Variants in FEM1C observed in about 807,000 individuals in gnomAD.
The protein encoded by FEM1C is fem-1 homolog C, also known as protein fem-1 homolog C.
A neutral mutation model predicts 37.6 loss-of-function variants in FEM1C; 15 were observed. That is an observed-to-expected ratio of 0.40 (90% CI 0.27 to 0.61). The LOEUF (loss-of-function observed/expected upper bound fraction) is 0.61. Ranked by LOEUF, FEM1C falls within the 20% of genes least tolerant of loss-of-function variation. FEM1C has a pLI of 0.42. For synonymous variants in FEM1C, 287 were observed against 272.8 expected (o/e 1.05, Z -0.51); for missense variants, 532 against 749.7 (o/e 0.71, Z 3.39).
rs1753838382 is a variant in FEM1C, at chr5:115,524,342, T to G, written c.1820A>C (p.Glu607Ala). The G allele has an allele frequency of 1.2e-6, 2 of 1,613,260 alleles. No homozygotes were observed. Among genetic ancestry groups the G allele is most frequent in the African/African-American group, 1.3e-5 (1 of 74,882 alleles). The change falls in exon 3 of 3, where the codon GAA (glutamate) becomes GCA (alanine). Residue 607 changes from glutamate (E) to alanine (A), a missense_variant. By Grantham distance (107) the Glu-to-Ala change is moderately radical (BLOSUM62 -1). Coordinates refer to ENST00000274457, the MANE Select transcript of FEM1C (RefSeq NM_020177.3). Reference protein sequence around the residue: ...HRIYYKGHIPEKLETFVSLHR With the variant: ...HRIYYKGHIPAKLETFVSLHR Reference sequence around the variant, plus strand: ...AAGGGAAACAAAAGTCTCTAGCTTTTCTGGGATATGCCCTTTATAATATAT... The same window carrying G: ...AAGGGAAACAAAAGTCTCTAGCTTTGCTGGGATATGCCCTTTATAATATAT...
At position 115,524,838 on chromosome 5, in the gene FEM1C, G is replaced by T; in HGVS notation, c.1324C>A (p.Leu442Ile). The change falls in exon 3 of 3, where the codon CTT (leucine) becomes ATT (isoleucine). Residue 442 changes from leucine (L) to isoleucine (I), a missense_variant. By Grantham distance (5) the Leu-to-Ile change is conservative (BLOSUM62 2). Coordinates refer to ENST00000274457, the MANE Select transcript of FEM1C (RefSeq NM_020177.3). Reference protein sequence around the residue: ...PADPLQLNKALSIILHLICLL... With the variant: ...PADPLQLNKAISIILHLICLL... ...CAAATTAAGTGCAAAATAATAGAAA[G>T]GGCCTTATTTAACTGTAATGGGTCA... The T allele has an allele frequency of 6.2e-7, 1 of 1,610,824 alleles. No homozygotes were observed. The highest frequency in any genetic ancestry group is 8.5e-7 in the Non-Finnish European group (1 of 1,178,800).
At chr5:115,542,252 G>A (rs1401502019) in intron 2 of FEM1C, among the ~76,000 whole-genome samples, 3 of 152,104 alleles carry the variant, frequency 2.0e-5, no homozygotes, top group African/African-American at 7.2e-5. Flanking sequence ...CTGGACAAAG[G>A]TGTTTACACT....
At position 115,539,396 on chromosome 5, in the gene FEM1C, G is replaced by A. The variant is rs529661252; in HGVS notation, c.544+3554C>T. 6.6e-5 allele frequency among the ~76,000 whole-genome samples: 10 copies of A among 152,100 alleles called. 1 individual carries two copies. Among genetic ancestry groups the A allele is most frequent in the East Asian group, 3.9e-4 (2 of 5,186 alleles). Reference sequence around the variant, plus strand: ...CCAAAGATGACTATAACCATGAAGCGCTGAGATCACTGTGATAGCTCTGAG... The same window carrying A: ...CCAAAGATGACTATAACCATGAAGCACTGAGATCACTGTGATAGCTCTGAG... On this transcript the variant is annotated intron_variant, in intron 2 of 2. Transcript: ENST00000274457.
rs1561556190 is a variant in FEM1C, at chr5:115,525,383, CTT to C, written c.777_778del (p.Asp261SerfsTer18). 1 of 1,613,576 alleles carries C rather than the reference CTT, an allele frequency of 6.2e-7. No homozygotes were observed. The highest frequency in any genetic ancestry group is 8.5e-7 in the Non-Finnish European group (1 of 1,179,754). ...GTATTTCAAAGCCCCAAGCAGATCTCTTTTTTTGTCTACAAATGTAGCTCCCA... is the reference window on the plus strand; with the variant it reads ...GTATTTCAAAGCCCCAAGCAGATCTCTTTTTGTCTACAAATGTAGCTCCCA... On this transcript the variant is annotated frameshift_variant, in exon 3 of 3. Coordinates refer to ENST00000274457, the MANE Select transcript of FEM1C (RefSeq NM_020177.3). LOFTEE classifies it high-confidence loss of function.
rs188373737 is a variant in FEM1C at position 115,525,640 on chromosome 5, G to C, written c.545-23C>G. The C allele has an allele frequency of 2.3e-3, 3,647 of 1,577,328 alleles. 7 individuals carry two copies. Among genetic ancestry groups the C allele is most frequent in the Non-Finnish European group, 2.8e-3 (3,282 of 1,158,708 alleles). On this transcript the variant is annotated intron_variant, in intron 2 of 2. Coordinates refer to ENST00000274457, the MANE Select transcript of FEM1C (RefSeq NM_020177.3). ...TACCTTAAAGAGAGAGAGAAAAAAA[G>C]AAATAACATACATTGAGGGACCAAA... is the stretch of plus-strand genomic sequence containing the variant.
intron 2 of FEM1C, among the ~76,000 whole-genome samples, chr5:115,539,942 G>A (rs1466572042): frequency 6.6e-6 from 1 of 152,066 alleles, no homozygotes; most frequent in Non-Finnish European, 1.5e-5. Flanking sequence ...TAAAAGTAAT[G>A]GAATGTAGAA....
chr5:115,528,997 C>A (rs915446884), intron 2 of FEM1C, among the ~76,000 whole-genome samples: 18 of 151,918 alleles, frequency 1.2e-4, no homozygotes, highest in African/African-American at 4.1e-4. Context: ...TGAAAATATA[C>A]AGAAAGAAGC....
At chr5:115,544,097 G>C (rs1167212573) in intron 1 of FEM1C, 3 of 985,318 alleles carry the variant, frequency 3.0e-6, no homozygotes. Flanking sequence ...TGGAAGGCCT[G>C]AGGCCGGGTT....
At chr5:115,527,877 T>C (rs560016536) in intron 2 of FEM1C, among the ~76,000 whole-genome samples, 1 of 151,958 alleles carries the variant, frequency 6.6e-6, no homozygotes, top group African/African-American at 2.4e-5. Flanking sequence ...GGCACGCGCC[T>C]GTAGTCCCAG....
At position 115,533,371 on chromosome 5, in the gene FEM1C, T is replaced by G. The variant is rs2127172100; in HGVS notation, c.545-7754A>C. On this transcript the variant is annotated intron_variant, in intron 2 of 2. Coordinates refer to ENST00000274457, the MANE Select transcript of FEM1C (RefSeq NM_020177.3). ...CAGTTTGTTAAATTTACCGTAAATA[T>G]TTTGCTATGTCAGTTTTTTCAAGTG... 2.6e-5 allele frequency among the ~76,000 whole-genome samples: 4 copies of G among 152,158 alleles called. No homozygotes were observed. In the South Asian group the frequency reaches 8.3e-4, roughly 32 times the overall value.
intron 2 of FEM1C, among the ~76,000 whole-genome samples, chr5:115,539,404 C>T (rs1183225910): frequency 6.6e-6 from 1 of 152,164 alleles, no homozygotes; most frequent in East Asian, 1.9e-4. Context: ...GCGCTGAGAT[C>T]ACTGTGATAG....
At chr5:115,537,321 T>A (rs1754149232) in intron 2 of FEM1C, among the ~76,000 whole-genome samples, 1 of 152,038 alleles carries the variant, frequency 6.6e-6, no homozygotes, top group South Asian at 2.1e-4. Context: ...AACTACATTG[T>A]ACCCGAAGGC....
Position 115,524,746 on chromosome 5 carries a change from A to C in FEM1C, c.1416T>G (p.Phe472Leu). The part of the protein sequence containing the change: ...DHFKKQTIYR[F>L]LKLHPRGKNN... Reference sequence around the variant, plus strand: ...TCTTTCCCCTTGGATGCAGCTTAAGAAACCTGTATATAGTCTGCTTTTTGA... The same window carrying C: ...TCTTTCCCCTTGGATGCAGCTTAAGCAACCTGTATATAGTCTGCTTTTTGA... The change falls in exon 3 of 3, where the codon TTT (phenylalanine) becomes TTG (leucine). Residue 472 changes from phenylalanine (F) to leucine (L), a missense_variant. Phe to Leu is a conservative substitution (Grantham distance 22). Coordinates refer to ENST00000274457, the MANE Select transcript of FEM1C (RefSeq NM_020177.3). 3.2e-6 allele frequency: 5 copies of C among 1,543,240 alleles called. No individual in the cohort carries two copies. The highest frequency in any genetic ancestry group is 4.3e-6 in the Non-Finnish European group (5 of 1,149,726).
intron 2 of FEM1C, among the ~76,000 whole-genome samples, chr5:115,532,370 CTTTT>C (rs1304528950): frequency 6.6e-6 from 1 of 152,020 alleles, no homozygotes; most frequent in Non-Finnish European, 1.5e-5. Context: ...TCAATCTTAG[CTTTT>C]GCAGACAAAA....
rs745343643 is a variant in FEM1C, at chr5:115,524,550, T to G, written c.1612A>C (p.Asn538His). ...AGATTCATGATGTCTGGATGGTTGT[T>G]AAGAGCAGCGATATGCAGGGGACTG... Reference protein sequence around the residue: ...DNSPLHIAALNNHPDIMNLLI... With the variant: ...DNSPLHIAALHNHPDIMNLLI... Residue 538 changes from asparagine to histidine, a missense_variant, in exon 3 of 3, where the codon AAC becomes CAC. This residue lies in a region of FEM1C where 237 missense variants were observed against 260.5 expected (regional missense o/e 0.91). Coordinates refer to ENST00000274457, the MANE Select transcript of FEM1C (RefSeq NM_020177.3). The G allele has an allele frequency of 1.2e-6, 2 of 1,613,466 alleles. No individual in the cohort carries two copies. The highest frequency in any genetic ancestry group is 1.7e-6 in the Non-Finnish European group (2 of 1,179,676).
At chr5:115,527,871 C>CG in intron 2 of FEM1C, among the ~76,000 whole-genome samples, 1 of 151,796 alleles carries the variant, frequency 6.6e-6, no homozygotes, top group East Asian at 1.9e-4. Context: ...CATGGTGGCA[C>CG]GCGCCTGTAG....
chr5:115,542,152 G>A (rs1205422126), intron 2 of FEM1C, among the ~76,000 whole-genome samples: 1 of 152,040 alleles, frequency 6.6e-6, no homozygotes, highest in African/African-American at 2.4e-5. Context: ...TTGCTTTTAA[G>A]GGTTAAAAAA....
At chr5:115,533,835 GA>G (rs1754065344) in intron 2 of FEM1C, among the ~76,000 whole-genome samples, 1 of 146,364 alleles carries the variant, frequency 6.8e-6, no homozygotes, top group African/African-American at 2.5e-5. Context: ...TTTGGCTAAA[GA>G]AAAAAAAGGA....
intron 2 of FEM1C, among the ~76,000 whole-genome samples, chr5:115,528,169 C>A (rs1311343009): frequency 6.6e-6 from 1 of 151,882 alleles, no homozygotes; most frequent in Non-Finnish European, 1.5e-5. Context: ...CCAGTAATGG[C>A]AGAGATACCT....
Sources: gnomAD v4.1 joint callset for allele counts (sites outside exome capture counted in the v4.1 genomes callset) on GRCh38, gnomAD v4.1.1 for gene constraint, gnomAD v4.1.1 regional missense constraint, MANE v1.5 for transcripts, NCBI Gene and HGNC (gene_info 2026-07-23, HGNC 2026-07-21) for gene names.